RNF216: variants seen among roughly 807,000 people sequenced by gnomAD.
RNF216 encodes ring finger protein 216, also known as E3 ubiquitin-protein ligase RNF216.
In RNF216, 72 loss-of-function variants were observed where a neutral mutation model predicts 110.8. That is an observed-to-expected ratio of 0.65 (90% confidence interval 0.54 to 0.79). RNF216 has a LOEUF of 0.79. Ranked by LOEUF, RNF216 falls within the 30% of genes least tolerant of loss-of-function variation. The probability of loss-of-function intolerance (pLI) is 0.00; values close to 1 mark genes in which losing one functional copy is unlikely to be tolerated. For synonymous variants in RNF216, 495 were observed against 407.5 expected (o/e 1.21, Z -2.59); for missense variants, 1,342 against 1,141.2 (o/e 1.18, Z -2.54).
At chr7:5,681,269 T>A (rs1435728271) in intron 13 of RNF216, among the ~76,000 whole-genome samples, 1 of 152,154 alleles carries the variant, frequency 6.6e-6, no homozygotes, top group Non-Finnish European at 1.5e-5. Context: ...ATCCAAGCAA[T>A]TACCTAGGGC....
chr7:5,707,972 T>C (rs1019398931), intron 13 of RNF216, among the ~76,000 whole-genome samples: 3 of 152,148 alleles, frequency 2.0e-5, no homozygotes, highest in Non-Finnish European at 4.4e-5. Context: ...GGTGATCCAC[T>C]TGCCTCGGCC....
At chr7:5,670,719 C>T (rs1219325485) in intron 13 of RNF216, among the ~76,000 whole-genome samples, 2 of 152,140 alleles carry the variant, frequency 1.3e-5, no homozygotes, top group Non-Finnish European at 2.9e-5. Context: ...GGTCTCGTAA[C>T]ACAGTATGTT....
intron 13 of RNF216, among the ~76,000 whole-genome samples, chr7:5,706,657 G>A (rs1441478726): frequency 6.6e-6 from 1 of 152,212 alleles, no homozygotes. Flanking sequence ...TGTGGCTACT[G>A]TGAATAATGC....
At chr7:5,754,070 G>A (rs1244144791) in intron 2 of RNF216, among the ~76,000 whole-genome samples, 2 of 151,694 alleles carry the variant, frequency 1.3e-5, no homozygotes, top group African/African-American at 4.8e-5. Flanking sequence ...CCTCATCACT[G>A]CAATTTTTGA....
At chr7:5,758,595 T>A (rs578027882) in intron 2 of RNF216, among the ~76,000 whole-genome samples, 17 of 152,058 alleles carry the variant, frequency 1.1e-4, no homozygotes, top group Non-Finnish European at 2.4e-4. Context: ...AGATGTGGAG[T>A]CAAAGGAGGT....
Position 5,741,395 on chromosome 7 carries a change from G to C in RNF216, c.622C>G (p.Leu208Val). 1.2e-6 allele frequency: 2 copies of C among 1,614,198 alleles called. No homozygotes were observed. The highest frequency in any genetic ancestry group is 1.7e-6 in the Non-Finnish European group (2 of 1,180,028). ...GCTGACTCTCCTAGATTTGATAACA[G>C]CTCTGTCTCTGAGTCTTCGGATGAC... ...NQSSEDSETE[L>V]LSNLGESAAL... Residue 208 changes from leucine to valine, a missense_variant, in exon 4 of 17, where the codon CTG becomes GTG. Transcript: ENST00000389902.
rs1371497582 is a variant in RNF216 at position 5,642,229 on chromosome 7, T to C, written c.2160-853A>G. Among the ~76,000 whole-genome samples the C allele has an allele frequency of 3.3e-5, 5 of 151,442 alleles. No individual in the cohort carries two copies. In the East Asian group the frequency reaches 9.7e-4, roughly 29 times the overall value. On this transcript the variant is annotated intron_variant, in intron 14 of 16. Transcript: ENST00000389902. ...AAGGTTCTGTTTTGTTTTTTTTTTT[T>C]TGAGACAGAGTCTTGCTCTGTCACC...
chr7:5,629,321 TA>T (rs1786911645), intron 15 of RNF216, among the ~76,000 whole-genome samples: 1 of 151,378 alleles, frequency 6.6e-6, no homozygotes, highest in Admixed American at 6.6e-5. Context: ...TACAAAATTT[TA>T]AAAATTAGCC....
At chr7:5,733,716 C>G (rs562994728) in intron 5 of RNF216, among the ~76,000 whole-genome samples, 1 of 147,010 alleles carries the variant, frequency 6.8e-6, no homozygotes, top group South Asian at 2.1e-4. Flanking sequence ...ACAATTCACA[C>G]GCAAGGGAAA....
intron 13 of RNF216, among the ~76,000 whole-genome samples, chr7:5,687,967 G>T (rs1791092248): frequency 6.6e-6 from 1 of 152,188 alleles, no homozygotes. Context: ...TTAACATCTT[G>T]CCATATTCTT....
intron 15 of RNF216, among the ~76,000 whole-genome samples, chr7:5,627,359 G>C (rs535531279): frequency 4.5e-4 from 68 of 152,264 alleles, no homozygotes; most frequent in African/African-American, 1.6e-3. Flanking sequence ...TGGCAGCCTT[G>C]GCCCTCCTTG....
At chr7:5,759,766 G>C (rs1193560410) in intron 2 of RNF216, among the ~76,000 whole-genome samples, 1 of 151,538 alleles carries the variant, frequency 6.6e-6, no homozygotes, top group Non-Finnish European at 1.5e-5. Flanking sequence ...CAAGTAGCTG[G>C]GACTACAGGC....
At chr7:5,681,386 T>A (rs2128605458) in intron 13 of RNF216, among the ~76,000 whole-genome samples, 1 of 152,260 alleles carries the variant, frequency 6.6e-6, no homozygotes, top group Admixed American at 6.5e-5. Flanking sequence ...CCCAAACACG[T>A]CACATTTTAT....
intron 3 of RNF216, among the ~76,000 whole-genome samples, chr7:5,744,511 C>T (rs987091986): frequency 1.3e-5 from 2 of 151,876 alleles, no homozygotes; most frequent in African/African-American, 2.4e-5. Context: ...AATAACCATT[C>T]GAACTAAATA....
chr7:5,725,490 C>T, intron 7 of RNF216, 52 bp from the exon 8 acceptor site: 1 of 1,055,538 alleles, frequency 9.5e-7, no homozygotes, highest in Middle Eastern at 2.0e-4. Context: ...AATAAGAATA[C>T]ACGAGACAGG....
intron 8 of RNF216, among the ~76,000 whole-genome samples, chr7:5,721,645 T>C (rs1793433811): frequency 6.6e-6 from 1 of 152,226 alleles, no homozygotes; most frequent in African/African-American, 2.4e-5. Flanking sequence ...GTTTACACCC[T>C]TCCTCCATCA....
At chr7:5,632,708 C>A (rs1162172649) in intron 15 of RNF216, among the ~76,000 whole-genome samples, 2 of 152,046 alleles carry the variant, frequency 1.3e-5, no homozygotes, top group African/African-American at 4.8e-5. Flanking sequence ...ACCCGGGAGG[C>A]ACAGGTTGCA....
chr7:5,765,037 C>T (rs79505983), intron 1 of RNF216, among the ~76,000 whole-genome samples: 2,057 of 149,636 alleles, frequency 0.014, 44 homozygotes, highest in African/African-American at 0.049. Context: ...ACCCACTGCA[C>T]TCCAGCCTAG....
rs765440685 is a variant in RNF216, at chr7:5,741,627, G to A, written c.390C>T (p.Asp130=). 1.9e-6 allele frequency: 3 copies of A among 1,614,118 alleles called. No individual in the cohort carries two copies. The South Asian group carries it at 3.3e-5, about 18-fold the overall frequency. ...DSGAQDDSED[D]YGEFLDLGPP... ...GCCCAAGATCCAGAAATTCACCGTA[G>A]TCATCCTCAGAATCATCCTGTGCCC... The change falls in exon 4 of 17, where the codon GAC becomes GAT. Residue 130 remains aspartate (D), a synonymous_variant. Coordinates refer to ENST00000389902, the MANE Select transcript of RNF216 (RefSeq NM_207111.4).
Sources: gnomAD v4.1 joint callset for allele counts (sites outside exome capture counted in the v4.1 genomes callset) on GRCh38, gnomAD v4.1.1 for gene constraint, MANE v1.5 for transcripts, NCBI Gene and HGNC (gene_info 2026-07-23, HGNC 2026-07-21) for gene names.